The following FBLN2 variants were observed in gnomAD, a reference collection of about 807,000 sequenced individuals.
FBLN2 encodes fibulin 2.
Under a neutral mutation model 123.7 loss-of-function variants are expected in FBLN2, and 81 were observed. The observed-to-expected ratio is 0.65, with a 90% confidence interval of 0.55 to 0.79. The LOEUF (loss-of-function observed/expected upper bound fraction) is 0.79. Ranked by LOEUF, FBLN2 falls within the 30% of genes least tolerant of loss-of-function variation. The pLI, the probability that FBLN2 is intolerant of heterozygous loss-of-function variation, is 0.00. For missense variants in FBLN2, 1,603 were observed against 1,681.3 expected (o/e 0.95, Z 0.81); for synonymous variants, 699 against 701.4 (o/e 1.00, Z 0.05).
chr3:13,633,461 C>T (rs897541169), intron 16 of FBLN2, among the ~76,000 whole-genome samples: 2 of 152,274 alleles, frequency 1.3e-5, no homozygotes, highest in Admixed American at 6.5e-5. Flanking sequence ...TCTGGAAGAG[C>T]CTTCTGACTC....
At chr3:13,631,588 A>G (rs1478643158) in intron 16 of FBLN2, 131 bp downstream of exon 16, 1 of 1,129,868 alleles carries the variant, frequency 8.9e-7, no homozygotes, top group African/African-American at 1.6e-5. Context: ...CAGGATGGCC[A>G]ATGCTACCAG....
At position 13,626,422 on chromosome 3, in the gene FBLN2, T is replaced by A. The variant is rs760739237; in HGVS notation, c.2297-23T>A. 21 of 1,555,150 alleles carry A rather than the reference T, an allele frequency of 1.4e-5. 1 individual carries two copies. In the South Asian group the frequency reaches 2.5e-4, roughly 19 times the overall value. ...ACTGTCCTGGGGACTCTGCAGCCTC[T>A]GATGGCCTCGCTCTCCCTGCAGACA... On this transcript the variant is annotated intron_variant, in intron 9 of 17. Transcript: ENST00000404922.
chr3:13,611,072 A>G (rs1485852153), intron 4 of FBLN2, among the ~76,000 whole-genome samples: 1 of 151,724 alleles, frequency 6.6e-6, no homozygotes, highest in Non-Finnish European at 1.5e-5. Context: ...ACGCCCAGCT[A>G]ATTTTTTTGT....
At chr3:13,634,548 G>T (rs1706386554) in intron 16 of FBLN2, among the ~76,000 whole-genome samples, 1 of 152,274 alleles carries the variant, frequency 6.6e-6, no homozygotes, top group South Asian at 2.1e-4. Flanking sequence ...GGCCACCGGG[G>T]GCATAGGCCA....
chr3:13,599,702 G>A (rs1291144041), intron 2 of FBLN2, among the ~76,000 whole-genome samples: 3 of 151,844 alleles, frequency 2.0e-5, no homozygotes, highest in Non-Finnish European at 2.9e-5. Context: ...GGAGGGAGGC[G>A]GGGGATGAGG....
chr3:13,611,095 G>A (rs969079422), intron 4 of FBLN2, among the ~76,000 whole-genome samples: 6 of 151,864 alleles, frequency 4.0e-5, no homozygotes, highest in Admixed American at 3.3e-4. Context: ...TTTTAGTAGA[G>A]CATACGCCAC....
chr3:13,627,916 C>G lies in FBLN2; in HGVS notation c.2516C>G (p.Ala839Gly), dbSNP rs776372122. The G allele has an allele frequency of 4.3e-6, 7 of 1,613,898 alleles. No individual in the cohort carries two copies. The East Asian group carries it at 1.6e-4, about 36-fold the overall frequency. The change falls in exon 11 of 18, where the codon GCC (alanine) becomes GGC (glycine). Residue 839 changes from alanine to glycine, a missense_variant. By Grantham distance (60) the Ala-to-Gly change is moderately conservative. Coordinates refer to ENST00000404922, the MANE Select transcript of FBLN2 (RefSeq NM_001004019.2). ...QNTKGSFYCQARQRCMDGFLQ... is the reference protein window; with the variant it reads ...QNTKGSFYCQGRQRCMDGFLQ... ...ACCAAGGGCTCCTTCTACTGCCAGG[C>G]CAGGCAGCGCTGCATGGATGGCTTC...
intron 5 of FBLN2, among the ~76,000 whole-genome samples, chr3:13,617,416 A>G (rs1436426702): frequency 1.3e-5 from 2 of 150,938 alleles, no homozygotes; most frequent in Non-Finnish European, 3.0e-5. Context: ...CCATCTACTC[A>G]TCCATTCATC....
chr3:13,594,213 C>G (rs923837955), intron 2 of FBLN2, among the ~76,000 whole-genome samples: 2 of 152,180 alleles, frequency 1.3e-5, no homozygotes, highest in African/African-American at 4.8e-5. Flanking sequence ...AACCCACCCT[C>G]CTTGACGTTT....
chr3:13,620,720 T>C (rs114610901), intron 8 of FBLN2, among the ~76,000 whole-genome samples: 1,966 of 152,308 alleles, frequency 0.013, 36 homozygotes, highest in African/African-American at 0.044. Flanking sequence ...ATGGCAGTTC[T>C]GGCTCAGAGA....
At chr3:13,622,449 C>T (rs905377410) in intron 9 of FBLN2, among the ~76,000 whole-genome samples, 1 of 152,224 alleles carries the variant, frequency 6.6e-6, no homozygotes, top group South Asian at 2.1e-4. Context: ...TCCCCAGGGT[C>T]CCCCGCAGAG....
intron 16 of FBLN2, among the ~76,000 whole-genome samples, chr3:13,633,594 C>T (rs1185058114): frequency 6.6e-6 from 1 of 152,278 alleles, no homozygotes; most frequent in Non-Finnish European, 1.5e-5. Flanking sequence ...TCCTCTTCTC[C>T]TGTTCTGGCT....
At chr3:13,627,239 C>T (rs576988146) in intron 10 of FBLN2, among the ~76,000 whole-genome samples, 66 of 152,192 alleles carry the variant, frequency 4.3e-4, no homozygotes, top group African/African-American at 1.4e-3. Context: ...GAGGGGGCAG[C>T]GTGCCAAGGC....
At chr3:13,581,585 G>A (rs1185070778) in intron 2 of FBLN2, among the ~76,000 whole-genome samples, 1 of 152,144 alleles carries the variant, frequency 6.6e-6, no homozygotes, top group South Asian at 2.1e-4. Flanking sequence ...GCCACATTGT[G>A]TTGGCAGCCA....
intron 2 of FBLN2, among the ~76,000 whole-genome samples, chr3:13,581,596 G>C (rs1193618262): frequency 6.6e-6 from 1 of 152,168 alleles, no homozygotes; most frequent in African/African-American, 2.4e-5. Context: ...TTGGCAGCCA[G>C]TCAAGAGGCC....
At chr3:13,559,422 C>T (rs73146693) in intron 1 of FBLN2, among the ~76,000 whole-genome samples, 1,706 of 152,282 alleles carry the variant, frequency 0.011, 38 homozygotes, top group African/African-American at 0.039. Flanking sequence ...AAGATGGCTT[C>T]AGGTACCCTT....
intron 16 of FBLN2, among the ~76,000 whole-genome samples, chr3:13,636,045 T>C (rs1216089139): frequency 6.6e-6 from 1 of 152,128 alleles, no homozygotes; most frequent in Non-Finnish European, 1.5e-5. Context: ...GGGGATAGCG[T>C]TCCAGCAGCA....
In FBLN2 at chr3:13,555,493, T is replaced by C. The variant is rs550913467; in HGVS notation, c.-42+6285T>C. 8.6e-5 allele frequency among the ~76,000 whole-genome samples: 13 copies of C among 152,038 alleles called. No homozygotes were observed. In the Middle Eastern group the frequency reaches 0.017, roughly 199 times the overall value. ...TTTTTGAGATGGAGTCTCGCTATGT[T>C]GCCCAGGCTGAAGTGCAGTGGCGCC... is the stretch of plus-strand genomic sequence containing the variant. On this transcript the variant is annotated intron_variant, in intron 1 of 17. Coordinates refer to ENST00000404922, the MANE Select transcript of FBLN2 (RefSeq NM_001004019.2).
At chr3:13,616,873 A>G (rs79785939) in intron 5 of FBLN2, among the ~76,000 whole-genome samples, 14,770 of 152,242 alleles carry the variant, frequency 0.097, 1,079 homozygotes, top group African/African-American at 0.21. Context: ...AGTGCTGCCC[A>G]AGTTGACCCA....
Sources: gnomAD v4.1 joint callset for allele counts (sites outside exome capture counted in the v4.1 genomes callset) on GRCh38, gnomAD v4.1.1 for gene constraint, MANE v1.5 for transcripts, NCBI Gene and HGNC (gene_info 2026-07-23, HGNC 2026-07-21) for gene names.